The following TM9SF4 variants were observed in gnomAD, a reference collection of about 807,000 sequenced individuals.
The protein encoded by TM9SF4 is transmembrane 9 superfamily member 4.
In TM9SF4, 26 loss-of-function variants were observed where a neutral mutation model predicts 90.4. That is an observed-to-expected ratio of 0.29 (90% confidence interval 0.21 to 0.40). The LOEUF (loss-of-function observed/expected upper bound fraction) is 0.40, where lower values mean the gene tolerates loss of function less well. Among genes scored for constraint, TM9SF4 ranks in the 10% least tolerant of loss-of-function variants. The pLI, the probability that TM9SF4 is intolerant of heterozygous loss-of-function variation, is 1.00. For missense variants in TM9SF4, 549 were observed against 834.8 expected, an observed-to-expected ratio of 0.66 and a Z score of 4.22; for synonymous variants, 293 against 315.4, an observed-to-expected ratio of 0.93 and a Z score of 0.75.
At chr20:32,137,114 C>T (rs2046605744) in intron 3 of TM9SF4, 1 of 449,468 alleles carries the variant, frequency 2.2e-6, no homozygotes. Context: ...TAGCGTTGAA[C>T]AGAGATTGGC....
chr20:32,122,360 C>T (rs1263089106), intron 1 of TM9SF4, among the ~76,000 whole-genome samples: 1 of 151,906 alleles, frequency 6.6e-6, no homozygotes, highest in Non-Finnish European at 1.5e-5. Context: ...ATGCTCCTCA[C>T]TTCCCAGACG....
At position 32,123,859 on chromosome 20, in the gene TM9SF4, TA is replaced by T. The variant is rs1244670344; in HGVS notation, c.16-9153del. 9.5e-3 allele frequency among the ~76,000 whole-genome samples: 693 copies of T among 72,602 alleles called. 19 individuals carry two copies. The highest frequency in any genetic ancestry group is 0.059 in the African/African-American group (628 of 10,620). The allele number at this position is 72,602 out of a possible 152,430, so 47.6% of individuals were successfully genotyped here. ...GTTCTCTCTCTCATATATATATATA[TA>T]TATATATTTTTTTTTTTAAAGAGAT... On this transcript the variant is annotated intron_variant, in intron 1 of 17. Coordinates refer to ENST00000398022, the MANE Select transcript of TM9SF4 (RefSeq NM_014742.4).
chr20:32,110,115 C>T (rs1309617526), intron 1 of TM9SF4: 3 of 1,114,166 alleles, frequency 2.7e-6, no homozygotes, highest in African/African-American at 1.6e-5. Flanking sequence ...CTCATCCTTG[C>T]TCCTCCCCGT....
At position 32,165,299 on chromosome 20, in the gene TM9SF4, A is replaced by T. The variant is rs750705396; in HGVS notation, c.1784A>T (p.Asp595Val). ...YAIFYFVNKL[D>V]IVEFIPSLLY... The stretch of plus-strand genomic sequence containing the variant: ...TCTTTCTGCTCGTGGCCGCAGCTGG[A>T]CATCGTGGAGTTCATCCCCTCTCTC... The change falls in exon 18 of 18, where the codon GAC (aspartate) becomes GTC (valine). Residue 595 changes from aspartate to valine, a missense_variant. Coordinates refer to ENST00000398022, the MANE Select transcript of TM9SF4 (RefSeq NM_014742.4). The T allele has an allele frequency of 6.2e-7, 1 of 1,614,158 alleles. No individual in the cohort carries two copies. The highest frequency in any genetic ancestry group is 8.5e-7 in the Non-Finnish European group (1 of 1,180,020).
At chr20:32,123,386 A>G (rs1025199552) in intron 1 of TM9SF4, among the ~76,000 whole-genome samples, 2 of 151,818 alleles carry the variant, frequency 1.3e-5, no homozygotes, top group Non-Finnish European at 1.5e-5. Flanking sequence ...TTAAAGCTTT[A>G]TAACTCTGTT....
At chr20:32,162,872 A>AG (rs1466607279) in intron 17 of TM9SF4, among the ~76,000 whole-genome samples, 3 of 152,264 alleles carry the variant, frequency 2.0e-5, no homozygotes, top group Admixed American at 2.0e-4. Context: ...GCAAAAAAAA[A>AG]GGGAAAAAAA....
Position 32,136,178 on chromosome 20 carries a change from GTTC to G in TM9SF4, c.229+10_229+12del, listed in dbSNP as rs964090852. The G allele has an allele frequency of 2.5e-5, 40 of 1,613,748 alleles. No homozygotes were observed. The highest frequency in any genetic ancestry group is 3.2e-5 in the Non-Finnish European group (38 of 1,179,794). On this transcript the variant is annotated splice_donor_region_variant and intron_variant, in intron 3 of 17. Transcript: ENST00000398022. Reference sequence around the variant, plus strand: ...CCTACAAGGCAGAGAATCTGGGTAAGTTCTTCTCCCACACTGCTGTCAACTTGT... The same window carrying G: ...CCTACAAGGCAGAGAATCTGGGTAAGTTCTCCCACACTGCTGTCAACTTGT...
chr20:32,156,019 T>C (rs911804406), intron 13 of TM9SF4, among the ~76,000 whole-genome samples: 32 of 152,180 alleles, frequency 2.1e-4, no homozygotes, highest in Admixed American at 5.9e-4. Context: ...TGTAGAAATT[T>C]TGGAAAGTGC....
chr20:32,159,065 G>A (rs956193738), intron 15 of TM9SF4: 1 of 152,526 alleles, frequency 6.6e-6, no homozygotes, highest in African/African-American at 2.4e-5. Context: ...AATAGAAGCT[G>A]CCTCAGTGAT....
intron 17 of TM9SF4, 56 bp from the exon 18 acceptor site, chr20:32,165,239 G>A (rs1036654131): frequency 5.0e-6 from 8 of 1,603,274 alleles, no homozygotes; most frequent in African/African-American, 2.7e-5. Flanking sequence ...GCCCCAGTTC[G>A]CCATGCAGCC....
At chr20:32,158,637 C>G in intron 15 of TM9SF4, 123 bp downstream of exon 15, 1 of 923,232 alleles carries the variant, frequency 1.1e-6, no homozygotes, top group Non-Finnish European at 1.7e-6. Flanking sequence ...TCTCGGAGCC[C>G]CATTCTTCAC....
chr20:32,121,934 C>CG (rs2046317527), intron 1 of TM9SF4, among the ~76,000 whole-genome samples: 1 of 134,594 alleles, frequency 7.4e-6, no homozygotes, highest in African/African-American at 2.8e-5. Flanking sequence ...GGGGGGCTGA[C>CG]CCCCCCCAGC....
chr20:32,121,704 A>C (rs1355183677), intron 1 of TM9SF4, among the ~76,000 whole-genome samples: 1 of 151,956 alleles, frequency 6.6e-6, no homozygotes, highest in African/African-American at 2.4e-5. Flanking sequence ...GCCCGCTCTC[A>C]ATGAGCTGTT....
At chr20:32,153,868 A>G (rs1425693853) in intron 12 of TM9SF4, among the ~76,000 whole-genome samples, 1 of 152,230 alleles carries the variant, frequency 6.6e-6, no homozygotes, top group East Asian at 1.9e-4. Context: ...GGTCAGGAGC[A>G]TGGGCTCTGG....
intron 6 of TM9SF4, among the ~76,000 whole-genome samples, chr20:32,144,776 G>A (rs2046736158): frequency 6.6e-6 from 1 of 152,114 alleles, no homozygotes; most frequent in South Asian, 2.1e-4. Flanking sequence ...AGCCAGGTGT[G>A]GTGACACACA....
At chr20:32,163,268 A>ATATATATAT (rs1262014914) in intron 17 of TM9SF4, among the ~76,000 whole-genome samples, 1 of 74,476 alleles carries the variant, frequency 1.3e-5, no homozygotes, top group Non-Finnish European at 2.5e-5. Context: ...AAAAAAAAAA[A>ATATATATAT]ATATATATAT....
chr20:32,122,359 A>C (rs2046333042), intron 1 of TM9SF4, among the ~76,000 whole-genome samples: 1 of 145,488 alleles, frequency 6.9e-6, no homozygotes, highest in Admixed American at 6.8e-5. Flanking sequence ...GATGCTCCTC[A>C]CTTCCCAGAC....
rs779165356 is a variant in TM9SF4, at chr20:32,141,911, C to A, written c.528+16C>A. Reference sequence around the variant, plus strand: ...TGTCAACAAGGTAGAGTGTCTTTGGCGTGCTCACAGGACCGGGAGCCACAC... The same window carrying A: ...TGTCAACAAGGTAGAGTGTCTTTGGAGTGCTCACAGGACCGGGAGCCACAC... On this transcript the variant is annotated intron_variant, in intron 5 of 17. Transcript: ENST00000398022. 3 of 1,613,580 alleles carry A rather than the reference C, an allele frequency of 1.9e-6. No individual in the cohort carries two copies. Among genetic ancestry groups the A allele is most frequent in the Non-Finnish European group, 2.5e-6 (3 of 1,179,726 alleles).
chr20:32,143,314 C>T (rs2046708723), intron 6 of TM9SF4, among the ~76,000 whole-genome samples: 1 of 152,204 alleles, frequency 6.6e-6, no homozygotes, highest in Non-Finnish European at 1.5e-5. Flanking sequence ...AGACACCTTA[C>T]TAGTTTACCC....
Sources: gnomAD v4.1 joint callset for allele counts (sites outside exome capture counted in the v4.1 genomes callset) on GRCh38, gnomAD v4.1.1 for gene constraint, MANE v1.5 for transcripts, NCBI Gene and HGNC (gene_info 2026-07-23, HGNC 2026-07-21) for gene names.